The following SPHKAP variants were observed in gnomAD, a reference collection of about 807,000 sequenced individuals.
SPHKAP encodes A-kinase anchor protein SPHKAP.
SPHKAP carries 67 observed loss-of-function variants against 137.5 expected under a neutral mutation model. The ratio of observed to expected loss-of-function variants is 0.49; its 90% CI spans 0.40 to 0.60. SPHKAP has a LOEUF of 0.60. Ranked by LOEUF, SPHKAP falls within the 20% of genes least tolerant of loss-of-function variation. The pLI is 0.00. For missense variants in SPHKAP, 2,097 were observed against 2,069.3 expected (o/e 1.01, Z -0.26); for synonymous variants, 813 against 785.3 (o/e 1.04, Z -0.59).
intron 1 of SPHKAP, among the ~76,000 whole-genome samples, chr2:228,142,913 T>C (rs986319696): frequency 1.3e-5 from 2 of 152,136 alleles, no homozygotes; most frequent in Non-Finnish European, 2.9e-5. Context: ...TCATATGACA[T>C]TTCTGAAAAC....
chr2:227,987,366 C>A (rs957919966), intron 11 of SPHKAP, among the ~76,000 whole-genome samples: 1 of 152,308 alleles, frequency 6.6e-6, no homozygotes, highest in Non-Finnish European at 1.5e-5. Context: ...ACAATCTGAG[C>A]TTCTCTCCGT....
At chr2:228,111,411 T>C (rs1398956363) in intron 2 of SPHKAP, among the ~76,000 whole-genome samples, 1 of 152,128 alleles carries the variant, frequency 6.6e-6, no homozygotes, top group Non-Finnish European at 1.5e-5. Context: ...CTCTCAGAAC[T>C]TGGGTTTTAC....
intron 1 of SPHKAP, among the ~76,000 whole-genome samples, chr2:228,166,611 A>G (rs1467739935): frequency 6.6e-6 from 1 of 152,144 alleles, no homozygotes; most frequent in Non-Finnish European, 1.5e-5. Context: ...CTCATTCTTT[A>G]TATATGTTCT....
intron 1 of SPHKAP, among the ~76,000 whole-genome samples, chr2:228,176,479 G>C (rs1700744155): frequency 1.3e-5 from 2 of 152,218 alleles, no homozygotes; most frequent in Non-Finnish European, 2.9e-5. Context: ...TATCCTGGAC[G>C]TCAGCACATC....
chr2:228,046,831 C>T lies in SPHKAP; in HGVS notation c.247-19288G>A, dbSNP rs1199018152. 2.0e-5 allele frequency among the ~76,000 whole-genome samples: 3 copies of T among 152,148 alleles called. No homozygotes were observed. The South Asian group carries it at 6.2e-4, about 32-fold the overall frequency. ...TCAGAAAAGCCTCAAAAAGACCCCC[C>T]TCCTTGGGCAAGAAGAGACAACACT... On this transcript the variant is annotated intron_variant, in intron 3 of 11. Transcript: ENST00000392056.
At chr2:228,144,619 A>C (rs1289153728) in intron 1 of SPHKAP, among the ~76,000 whole-genome samples, 9 of 152,148 alleles carry the variant, frequency 5.9e-5, no homozygotes, top group Non-Finnish European at 1.2e-4. Flanking sequence ...AATGGGTGAT[A>C]TAAAGGTATT....
chr2:227,981,552 T>A lies in SPHKAP; in HGVS notation c.*165A>T. On this transcript the variant is annotated 3_prime_UTR_variant, in exon 12 of 12. Coordinates refer to ENST00000392056, the MANE Select transcript of SPHKAP (RefSeq NM_001142644.2). ...ATTTGGACAGACCTATATTTTGCTT[T>A]TCCTCTGACTTATTCTGTATGCAGT... 1.2e-6 allele frequency: 1 copy of A among 844,340 alleles called. No homozygotes were observed. Among genetic ancestry groups the A allele is most frequent in the South Asian group, 2.5e-5 (1 of 40,476 alleles). 52.3% of individuals were successfully genotyped at this position (844,340 alleles called of 1,614,324 possible).
intron 3 of SPHKAP, among the ~76,000 whole-genome samples, chr2:228,053,440 A>T (rs1696329908): frequency 6.6e-6 from 1 of 152,164 alleles, no homozygotes; most frequent in African/African-American, 2.4e-5. Flanking sequence ...CCAGAGAGGA[A>T]TTCTTTAATT....
At chr2:228,024,132 A>G (rs1168889389) in intron 5 of SPHKAP, among the ~76,000 whole-genome samples, 2 of 152,180 alleles carry the variant, frequency 1.3e-5, no homozygotes, top group Non-Finnish European at 2.9e-5. Context: ...ACATGAAACA[A>G]TATGTTCTCT....
intron 3 of SPHKAP, among the ~76,000 whole-genome samples, chr2:228,042,527 C>T (rs550180438): frequency 2.0e-5 from 3 of 152,020 alleles, no homozygotes; most frequent in African/African-American, 2.4e-5. Flanking sequence ...CTTTTCCCAG[C>T]CCTAGGCAAC....
intron 2 of SPHKAP, chr2:228,131,228 A>T: frequency 1.1e-6 from 1 of 903,244 alleles, no homozygotes; most frequent in African/African-American, 1.8e-5. Flanking sequence ...CATCTATAAG[A>T]ATTTTTATAA....
intron 5 of SPHKAP, among the ~76,000 whole-genome samples, chr2:228,023,870 T>C (rs1419362999): frequency 6.6e-6 from 1 of 152,122 alleles, no homozygotes; most frequent in African/African-American, 2.4e-5. Context: ...GTCATAGTGA[T>C]TGGTTCAGAA....
intron 3 of SPHKAP, among the ~76,000 whole-genome samples, chr2:228,064,538 G>A (rs1696763074): frequency 1.3e-5 from 2 of 152,306 alleles, no homozygotes; most frequent in African/African-American, 4.8e-5. Context: ...TAACAGCTGA[G>A]GATTATATTT....
intron 7 of SPHKAP, among the ~76,000 whole-genome samples, chr2:228,006,373 C>T (rs1694132269): frequency 6.6e-6 from 1 of 152,134 alleles, no homozygotes; most frequent in Non-Finnish European, 1.5e-5. Context: ...ATTCTCGTGC[C>T]ACGGTTTTCA....
intron 7 of SPHKAP, among the ~76,000 whole-genome samples, chr2:228,006,718 G>C (rs895087182): frequency 9.2e-5 from 14 of 152,094 alleles, no homozygotes; most frequent in African/African-American, 3.4e-4. Flanking sequence ...ATGGGGTTTT[G>C]GTGTGGATGT....
chr2:228,142,281 A>G (rs1699629602), intron 1 of SPHKAP, among the ~76,000 whole-genome samples: 1 of 150,088 alleles, frequency 6.7e-6, no homozygotes, highest in Non-Finnish European at 1.5e-5. Context: ...TTGTTGTTAA[A>G]TAAGTGAAGG....
At chr2:228,026,045 G>T in intron 4 of SPHKAP, 1 of 171,104 alleles carries the variant, frequency 5.8e-6, no homozygotes, top group Non-Finnish European at 1.2e-5. Context: ...GGTCTCATGA[G>T]ATCTGATGGT....
chr2:228,015,649 C>T (rs1242923826), intron 7 of SPHKAP, among the ~76,000 whole-genome samples: 3 of 152,142 alleles, frequency 2.0e-5, no homozygotes, highest in Non-Finnish European at 4.4e-5. Context: ...GGATTGTCAA[C>T]TATGTCATAA....
chr2:227,991,527 T>A (rs1036061734), intron 9 of SPHKAP: 5 of 985,408 alleles, frequency 5.1e-6, no homozygotes, highest in Middle Eastern at 5.2e-4. Context: ...AATGTCCTCC[T>A]CCAACAACAA....
Sources: allele counts gnomAD v4.1 joint callset (sites outside exome capture counted in the v4.1 genomes callset), GRCh38; gene constraint gnomAD v4.1.1; transcripts MANE v1.5; gene names NCBI Gene and HGNC (gene_info 2026-07-23, HGNC 2026-07-21).